The following MYOM1 variants were observed in gnomAD, a reference collection of about 807,000 sequenced individuals.
MYOM1 encodes the protein myomesin-1.
In MYOM1, 164 loss-of-function variants were observed where a neutral mutation model predicts 205.3. The ratio of observed to expected loss-of-function variants is 0.80; its 90% confidence interval spans 0.70 to 0.91. The LOEUF (loss-of-function observed/expected upper bound fraction) is 0.91. Ranked by LOEUF, MYOM1 falls within the 40% of genes least tolerant of loss-of-function variation. The probability of loss-of-function intolerance (pLI) is 0.00; values close to 1 mark genes in which losing one functional copy is unlikely to be tolerated. For missense variants in MYOM1, 2,011 were observed against 2,127.3 expected (o/e 0.95, Z 1.08); for synonymous variants, 772 against 789.4 (o/e 0.98, Z 0.37).
At chr18:3,234,949 T>G in the MYOM1 span, among the ~76,000 whole-genome samples, 2 of 150,312 alleles carry the variant, frequency 1.3e-5, no homozygotes, top group South Asian at 4.2e-4. Context: ...GAGATGGGGG[T>G]TCACGCTGGA....
chr18:3,147,528 G>T (rs181052816), intron 13 of MYOM1, among the ~76,000 whole-genome samples: 1 of 151,926 alleles, frequency 6.6e-6, no homozygotes, highest in Non-Finnish European at 1.5e-5. Flanking sequence ...AACAACTTTG[G>T]GGGGGAAAAA....
chr18:3,148,707 G>A (rs548248599), intron 13 of MYOM1, among the ~76,000 whole-genome samples: 9 of 151,386 alleles, frequency 5.9e-5, no homozygotes, highest in South Asian at 2.1e-4. Flanking sequence ...TTAGCCAGGC[G>A]TAGTGGCGGG....
At chr18:3,191,938 T>G (rs183268157) in intron 3 of MYOM1, among the ~76,000 whole-genome samples, 1 of 152,068 alleles carries the variant, frequency 6.6e-6, no homozygotes, top group African/African-American at 2.4e-5. Flanking sequence ...CATTGTGATC[T>G]GCCCGCCTCA....
intron 18 of MYOM1, among the ~76,000 whole-genome samples, chr18:3,128,616 C>CT (rs1454889324): frequency 6.6e-6 from 1 of 151,592 alleles, no homozygotes; most frequent in Non-Finnish European, 1.5e-5. Context: ...TTTTTCTTTT[C>CT]TTTTTTCATT....
chr18:3,133,913 A>G (rs1165428515), intron 16 of MYOM1, among the ~76,000 whole-genome samples: 1 of 152,180 alleles, frequency 6.6e-6, no homozygotes, highest in Admixed American at 6.6e-5. Context: ...CCCAGGCCAG[A>G]GTACAGTGTT....
At chr18:3,075,154 T>C (rs1671740421) in intron 36 of MYOM1, among the ~76,000 whole-genome samples, 1 of 152,172 alleles carries the variant, frequency 6.6e-6, no homozygotes. Flanking sequence ...TGAAACACTG[T>C]ACCTGCAAGT....
At chr18:3,171,228 A>G (rs1466283310) in intron 8 of MYOM1, among the ~76,000 whole-genome samples, 1 of 152,186 alleles carries the variant, frequency 6.6e-6, no homozygotes, top group African/African-American at 2.4e-5. Context: ...ACAGTGAAGT[A>G]ACCTCTTTGG....
At position 3,129,277 on chromosome 18, in the gene MYOM1, G is replaced by T; in HGVS notation, c.2749C>A (p.Gln917Lys). ...LTPPPQKAAP[Q>K]GKSKSDPLKK... Reference sequence around the variant, plus strand: ...AGGGGGTCAGACTTACTTTTCCCCTGAGGAGCCGCTTTCTGTGGTGGCGGG... The same window carrying T: ...AGGGGGTCAGACTTACTTTTCCCCTTAGGAGCCGCTTTCTGTGGTGGCGGG... The change falls in exon 18 of 38, where the codon CAG (glutamine) becomes AAG (lysine). Residue 917 changes from glutamine (Q) to lysine (K), a missense_variant. Coordinates refer to ENST00000356443, the MANE Select transcript of MYOM1 (RefSeq NM_003803.4). 1 of 1,613,980 alleles carries T rather than the reference G, an allele frequency of 6.2e-7. No individual in the cohort carries two copies. Among genetic ancestry groups the T allele is most frequent in the Non-Finnish European group, 8.5e-7 (1 of 1,179,890 alleles).
chr18:3,098,410 T>G (rs1313275556), intron 25 of MYOM1, among the ~76,000 whole-genome samples: 1 of 152,278 alleles, frequency 6.6e-6, no homozygotes, highest in East Asian at 1.9e-4. Flanking sequence ...CCTGAGTAGC[T>G]GGGATTACAG....
chr18:3,244,861 T>C, the MYOM1 span, among the ~76,000 whole-genome samples: 1 of 150,340 alleles, frequency 6.7e-6, no homozygotes, highest in African/African-American at 2.5e-5. Context: ...ATCGTGCCAC[T>C]GCACTCCAGC....
Position 3,214,993 on chromosome 18 carries a change from G to A in MYOM1, c.231C>T (p.Ala77=). The A allele has an allele frequency of 1.2e-6, 2 of 1,611,682 alleles. No homozygotes were observed. Among genetic ancestry groups the A allele is most frequent in the Non-Finnish European group, 8.5e-7 (1 of 1,178,792 alleles). ...CCTTCCGACTGACTTCAGAGCTCAG[G>A]GCGTGCTGCGAGGCCTGCTGCTGGG... ...SSSQQQASQH[A]LSSEVSRKAA... is the part of the protein sequence containing the mutation. Residue 77 remains alanine, a synonymous_variant, in exon 2 of 38, where the codon GCC becomes GCT. Coordinates refer to ENST00000356443, the MANE Select transcript of MYOM1 (RefSeq NM_003803.4).
intron 21 of MYOM1, among the ~76,000 whole-genome samples, chr18:3,113,384 A>C (rs2079558979): frequency 6.6e-6 from 1 of 151,930 alleles, no homozygotes; most frequent in African/African-American, 2.4e-5. Flanking sequence ...GGCGGAGTAC[A>C]GTGGCACAAT....
chr18:3,155,475 C>A (rs1598729556), intron 10 of MYOM1, among the ~76,000 whole-genome samples: 1 of 152,326 alleles, frequency 6.6e-6, no homozygotes, highest in South Asian at 2.1e-4. Context: ...CCGCCCGCCT[C>A]GGCCTCCCAA....
At chr18:3,238,835 C>T in the MYOM1 span, among the ~76,000 whole-genome samples, 4 of 152,212 alleles carry the variant, frequency 2.6e-5, no homozygotes, top group African/African-American at 9.6e-5. Context: ...GGCTCCTGAC[C>T]CCTTCTTCCA....
the MYOM1 span, among the ~76,000 whole-genome samples, chr18:3,227,979 C>T: frequency 6.7e-4 from 102 of 151,662 alleles, no homozygotes; most frequent in African/African-American, 2.3e-3. Flanking sequence ...AAAAAAGGAA[C>T]GCAGGAGTCA....
At chr18:3,127,282 C>CATAT (rs1241920775) in intron 18 of MYOM1, among the ~76,000 whole-genome samples, 599 of 59,466 alleles carry the variant, frequency 0.01, 26 homozygotes, top group East Asian at 0.044. Flanking sequence ...TCAGAATTTC[C>CATAT]ATATATATAT....
chr18:3,153,525 G>A (rs146539059), intron 11 of MYOM1, among the ~76,000 whole-genome samples: 1 of 152,206 alleles, frequency 6.6e-6, no homozygotes, highest in Non-Finnish European at 1.5e-5. Flanking sequence ...ATTGTCCCTG[G>A]CCTTTCACTG....
At chr18:3,185,152 G>A (rs2080792867) in intron 5 of MYOM1, among the ~76,000 whole-genome samples, 1 of 152,138 alleles carries the variant, frequency 6.6e-6, no homozygotes, top group Admixed American at 6.5e-5. Flanking sequence ...AGAGCACAAT[G>A]TAAGGAGTCT....
At chr18:3,111,521 G>A (rs72858660) in intron 22 of MYOM1, among the ~76,000 whole-genome samples, 32,135 of 151,992 alleles carry the variant, frequency 0.21, 3,547 homozygotes, top group Middle Eastern at 0.25. Flanking sequence ...TGGCCTGTGG[G>A]CTAAATCTGG....
Sources: gnomAD v4.1 joint callset for allele counts (sites outside exome capture counted in the v4.1 genomes callset) on GRCh38, gnomAD v4.1.1 for gene constraint, MANE v1.5 for transcripts, NCBI Gene and HGNC (gene_info 2026-07-23, HGNC 2026-07-21) for gene names.